GAS2L3: variants seen among roughly 807,000 people sequenced by gnomAD.
The protein encoded by GAS2L3 is GAS2-like protein 3.
GAS2L3 carries 28 observed loss-of-function variants against 37.0 expected under a neutral mutation model. The observed-to-expected ratio is 0.76, with a 90% confidence interval of 0.56 to 1.04. GAS2L3 has a LOEUF of 1.04. Among genes scored for constraint, GAS2L3 ranks in the 50% least tolerant of loss-of-function variants. The probability of loss-of-function intolerance (pLI) is 0.00; values close to 1 mark genes in which losing one functional copy is unlikely to be tolerated. For synonymous variants in GAS2L3, 290 were observed against 296.6 expected, an observed-to-expected ratio of 0.98 and a Z score of 0.23; for missense variants, 793 against 817.6, an observed-to-expected ratio of 0.97 and a Z score of 0.37.
At chr12:100,616,396 A>G (rs1023664355) in intron 6 of GAS2L3, among the ~76,000 whole-genome samples, 1 of 152,094 alleles carries the variant, frequency 6.6e-6, no homozygotes, top group Non-Finnish European at 1.5e-5. Context: ...TTCTACACAT[A>G]GGATTATGTT....
intron 1 of GAS2L3, among the ~76,000 whole-genome samples, chr12:100,590,983 A>G (rs1308998986): frequency 3.3e-5 from 5 of 152,166 alleles, no homozygotes; most frequent in Admixed American, 2.0e-4. Flanking sequence ...GGTGCAGTGT[A>G]TACTGCTCGG....
chr12:100,603,844 A>G (rs1451507587), intron 5 of GAS2L3, among the ~76,000 whole-genome samples: 1 of 152,126 alleles, frequency 6.6e-6, no homozygotes, highest in Non-Finnish European at 1.5e-5. Flanking sequence ...ATTCTTCTGC[A>G]TGTGAATACC....
chr12:100,590,223 A>G (rs1205532280), intron 1 of GAS2L3, among the ~76,000 whole-genome samples: 1 of 152,234 alleles, frequency 6.6e-6, no homozygotes, highest in East Asian at 1.9e-4. Flanking sequence ...TCAGTAAGAA[A>G]AACCCAAACA....
intron 2 of GAS2L3, chr12:100,593,710 T>C (rs1292965453): frequency 1.3e-5 from 2 of 152,100 alleles, no homozygotes; most frequent in Admixed American, 6.6e-5. Context: ...TGGATCTTTG[T>C]TGCGGACAAA....
chr12:100,576,951 G>A (rs987937122), intron 1 of GAS2L3, among the ~76,000 whole-genome samples: 6 of 152,040 alleles, frequency 3.9e-5, no homozygotes, highest in Admixed American at 3.3e-4. Flanking sequence ...AGAGACTTCC[G>A]CCTACTGTCA....
chr12:100,625,725 T>G lies in GAS2L3; in HGVS notation c.*835T>G, dbSNP rs1956325802. On this transcript the variant is annotated 3_prime_UTR_variant, in exon 10 of 10. Transcript: ENST00000547754. ...AAAAATAATTTTTTATAATGTAATT[T>G]CCTGTGAGTGCAGACCTGACATTTT... 1 of 152,212 alleles carries G rather than the reference T, an allele frequency of 6.6e-6. No individual in the cohort carries two copies. Among genetic ancestry groups the G allele is most frequent in the African/African-American group, 2.4e-5 (1 of 41,460 alleles). 9.4% of individuals were successfully genotyped at this position (152,212 alleles called of 1,614,324 possible).
rs143376995 is a variant in GAS2L3, at chr12:100,607,823, G to A, written c.304-4177G>A. On this transcript the variant is annotated intron_variant, in intron 5 of 9. Coordinates refer to ENST00000547754, the MANE Select transcript of GAS2L3 (RefSeq NM_174942.3). ...ATTTGTCTGATAGTATTCTTTCTCTGTGTTATCTTGAATTTATTTGAGTTT... is the reference window on the plus strand; with the variant it reads ...ATTTGTCTGATAGTATTCTTTCTCTATGTTATCTTGAATTTATTTGAGTTT... Among the ~76,000 whole-genome samples the A allele has an allele frequency of 3.6e-3, 543 of 151,962 alleles. 1 individual carries two copies. Among genetic ancestry groups the A allele is most frequent in the African/African-American group, 0.012 (503 of 41,438 alleles).
chr12:100,575,015 A>AG (rs1327522672), intron 1 of GAS2L3, among the ~76,000 whole-genome samples: 1 of 152,004 alleles, frequency 6.6e-6, no homozygotes, highest in African/African-American at 2.4e-5. Context: ...GTTGCTAAGC[A>AG]GGGGGGCTCT....
intron 8 of GAS2L3, among the ~76,000 whole-genome samples, chr12:100,621,792 A>G (rs944285804): frequency 6.9e-6 from 1 of 144,812 alleles, no homozygotes; most frequent in Non-Finnish European, 1.5e-5. Flanking sequence ...ACGAACTCAT[A>G]TGTTTCCTAA....
intron 1 of GAS2L3, among the ~76,000 whole-genome samples, chr12:100,576,588 C>T (rs1050214572): frequency 6.6e-6 from 1 of 152,106 alleles, no homozygotes; most frequent in Non-Finnish European, 1.5e-5. Flanking sequence ...CAATTTGTCT[C>T]ACATTGAGTT....
In GAS2L3 at chr12:100,600,372, T is replaced by A. The variant is rs2136464556; in HGVS notation, c.19-10T>A. 1.3e-6 allele frequency: 2 copies of A among 1,550,050 alleles called. No individual in the cohort carries two copies. The highest frequency in any genetic ancestry group is 3.5e-4 in the Middle Eastern group (2 of 5,778). ...TATTCATTCAGTTGATTGATTTTTT[T>A]TTTCTTTAGGTATGGTTTGGAGAAG... On this transcript the variant is annotated splice_polypyrimidine_tract_variant and intron_variant, in intron 3 of 9. Transcript: ENST00000547754.
intron 3 of GAS2L3, among the ~76,000 whole-genome samples, chr12:100,596,477 A>AT (rs748434677): frequency 9.3e-5 from 14 of 150,940 alleles, no homozygotes; most frequent in South Asian, 2.1e-4. Flanking sequence ...GTCTTTACTG[A>AT]TTTTTTTTTC....
intron 9 of GAS2L3, 143 bp from the exon 10 acceptor site, chr12:100,623,415 GAAAC>G (rs1956283612): frequency 8.8e-6 from 5 of 568,060 alleles, no homozygotes; most frequent in Admixed American, 3.1e-5. Flanking sequence ...AATAATACAA[GAAAC>G]AAACTGTCAA....
At chr12:100,582,957 A>G (rs527368861) in intron 1 of GAS2L3, among the ~76,000 whole-genome samples, 1 of 152,272 alleles carries the variant, frequency 6.6e-6, no homozygotes, top group African/African-American at 2.4e-5. Context: ...CTCTTCCATC[A>G]TGACTTCTCC....
chr12:100,602,433 G>A (rs1956002449), intron 5 of GAS2L3, among the ~76,000 whole-genome samples: 1 of 151,672 alleles, frequency 6.6e-6, no homozygotes, highest in Non-Finnish European at 1.5e-5. Context: ...CATTCTGGGG[G>A]ATAGTGGATG....
chr12:100,623,412 C>T, intron 9 of GAS2L3, 150 bp from the exon 10 acceptor site: 1 of 550,216 alleles, frequency 1.8e-6, no homozygotes, highest in Non-Finnish European at 3.1e-6. Flanking sequence ...ATTAATAATA[C>T]AAGAAACAAA....
intron 6 of GAS2L3, among the ~76,000 whole-genome samples, chr12:100,614,605 C>G (rs1205187287): frequency 2.6e-5 from 4 of 152,118 alleles, no homozygotes; most frequent in African/African-American, 9.7e-5. Context: ...TTAGTATATT[C>G]ACTATGTTGT....
chr12:100,574,435 T>C (rs1189858470), intron 1 of GAS2L3, among the ~76,000 whole-genome samples: 1 of 152,056 alleles, frequency 6.6e-6, no homozygotes, highest in East Asian at 1.9e-4. Context: ...CAACCCTCAG[T>C]TTGGAGGACT....
At chr12:100,579,412 T>A (rs1336447813) in intron 1 of GAS2L3, 2 of 964,906 alleles carry the variant, frequency 2.1e-6, no homozygotes, top group African/African-American at 3.2e-5. Context: ...TTAGAAGGCA[T>A]GATAGTATAA....
Sources: allele counts gnomAD v4.1 joint callset (sites outside exome capture counted in the v4.1 genomes callset), GRCh38; gene constraint gnomAD v4.1.1; transcripts MANE v1.5; gene names NCBI Gene and HGNC (gene_info 2026-07-23, HGNC 2026-07-21).